Variants in CCDC7 observed in about 807,000 individuals in gnomAD.
CCDC7 encodes coiled-coil domain containing 7.
In CCDC7, 183 loss-of-function variants were observed where a neutral mutation model predicts 196.9. The observed-to-expected ratio is 0.93, with a 90% CI of 0.82 to 1.05. The LOEUF (loss-of-function observed/expected upper bound fraction) is 1.05, where lower values mean the gene tolerates loss of function less well. Among genes scored for constraint, CCDC7 ranks in the 50% least tolerant of loss-of-function variants. CCDC7 has a pLI of 0.00. For synonymous variants in CCDC7, 525 were observed against 484.6 expected, an observed-to-expected ratio of 1.08 and a Z score of -1.10; for missense variants, 1,540 against 1,482.2, an observed-to-expected ratio of 1.04 and a Z score of -0.64.
chr10:32,769,393 G>A (rs1466167436), intron 28 of CCDC7, among the ~76,000 whole-genome samples: 1 of 142,968 alleles, frequency 7.0e-6, no homozygotes, highest in Non-Finnish European at 1.6e-5. Flanking sequence ...ATTTTTTTTT[G>A]GTTAGTCTAG....
chr10:32,740,825 CA>C (rs1352192257), intron 28 of CCDC7, among the ~76,000 whole-genome samples: 6 of 152,064 alleles, frequency 3.9e-5, no homozygotes, highest in Admixed American at 3.9e-4. Flanking sequence ...ACTTCTCTCA[CA>C]TTTATTGTTT....
At chr10:32,634,357 AC>A (rs1412515584) in exon 19 of CCDC7, 2 of 1,112,596 alleles carry the variant, frequency 1.8e-6, no homozygotes, top group East Asian at 3.2e-5. Flanking sequence ...GTATGGAAAG[AC>A]ATGAGGGTAA....
At chr10:32,565,644 A>G in intron 14 of CCDC7, 24 bp downstream of exon 15, 1 of 1,595,124 alleles carries the variant, frequency 6.3e-7, no homozygotes, top group Non-Finnish European at 8.5e-7. Flanking sequence ...TGTTTCTTTA[A>G]CATTGTTAAC....
chr10:32,821,442 C>T (rs1164331654), intron 31 of CCDC7, among the ~76,000 whole-genome samples: 1 of 152,092 alleles, frequency 6.6e-6, no homozygotes, highest in Non-Finnish European at 1.5e-5. Flanking sequence ...TACCATTTGA[C>T]CCAGCCATCC....
chr10:32,651,583 C>T (rs75688940), intron 20 of CCDC7, among the ~76,000 whole-genome samples: 5,903 of 152,222 alleles, frequency 0.039, 124 homozygotes, highest in Middle Eastern at 0.051. Flanking sequence ...GGATTTCGGG[C>T]AGGAGCACTC....
chr10:32,561,826 C>A (rs1296060218), intron 13 of CCDC7, among the ~76,000 whole-genome samples: 1 of 151,988 alleles, frequency 6.6e-6, no homozygotes, highest in African/African-American at 2.4e-5. Flanking sequence ...GAAATAGAGA[C>A]ACAAAAAACC....
intron 41 of CCDC7, among the ~76,000 whole-genome samples, chr10:32,869,243 T>G (rs1235290608): frequency 6.6e-6 from 1 of 152,188 alleles, no homozygotes; most frequent in East Asian, 1.9e-4. Context: ...GTTTCCTGAC[T>G]TTTCAATGAT....
chr10:32,474,827 AAAT>A (rs2038672091), intron 8 of CCDC7, among the ~76,000 whole-genome samples: 1 of 152,204 alleles, frequency 6.6e-6, no homozygotes, highest in South Asian at 2.1e-4. Context: ...GAGAATTTTG[AAAT>A]AATAGTGTAA....
chr10:32,573,101 C>T (rs957904926), intron 16 of CCDC7, among the ~76,000 whole-genome samples: 2 of 152,118 alleles, frequency 1.3e-5, no homozygotes, highest in African/African-American at 4.8e-5. Context: ...TGGTCTCAAA[C>T]TCCTGTCCTC....
chr10:32,515,978 G>C (rs901238361), intron 9 of CCDC7, among the ~76,000 whole-genome samples: 5 of 151,968 alleles, frequency 3.3e-5, no homozygotes, highest in Non-Finnish European at 5.9e-5. Context: ...TCTTAAATAT[G>C]ACATCAGAAG....
intron 5 of CCDC7, among the ~76,000 whole-genome samples, chr10:32,466,864 A>G (rs2036905062): frequency 6.6e-6 from 1 of 152,172 alleles, no homozygotes; most frequent in South Asian, 2.1e-4. Flanking sequence ...TTTCCACAGC[A>G]GGCAACTAAT....
At chr10:32,633,698 G>GTA (rs1564894749) in intron 18 of CCDC7, among the ~76,000 whole-genome samples, 1 of 113,622 alleles carries the variant, frequency 8.8e-6, no homozygotes, top group Non-Finnish European at 1.7e-5. Flanking sequence ...ATATATATAT[G>GTA]TGTGTGTGTG....
intron 20 of CCDC7, among the ~76,000 whole-genome samples, chr10:32,645,908 G>A (rs1036675253): frequency 6.6e-6 from 1 of 151,866 alleles, no homozygotes; most frequent in Non-Finnish European, 1.5e-5. Context: ...TCTTGTTTTA[G>A]TTATTTGAAT....
Position 32,613,538 on chromosome 10 carries a change from A to G in CCDC7, c.1802-20716A>G, listed in dbSNP as rs965089162. On this transcript the variant is annotated intron_variant, in intron 18 of 41. Transcript: ENST00000639629. Reference sequence around the variant, plus strand: ...GATTTTAGATCTTTCCTGCTTTCTCATGTGGGCATTTAGTGCTATAAATTG... The same window carrying G: ...GATTTTAGATCTTTCCTGCTTTCTCGTGTGGGCATTTAGTGCTATAAATTG... 2.6e-5 allele frequency among the ~76,000 whole-genome samples: 4 copies of G among 152,000 alleles called. No homozygotes were observed. The East Asian group carries it at 7.7e-4, about 29-fold the overall frequency.
intron 9 of CCDC7, among the ~76,000 whole-genome samples, chr10:32,504,860 A>G (rs925158289): frequency 6.6e-6 from 1 of 152,234 alleles, no homozygotes; most frequent in African/African-American, 2.4e-5. Context: ...TATTCACTCA[A>G]GGAGAACGTA....
chr10:32,600,620 G>A (rs1159536658), intron 18 of CCDC7, among the ~76,000 whole-genome samples: 3 of 152,088 alleles, frequency 2.0e-5, no homozygotes, highest in African/African-American at 7.2e-5. Context: ...GAGAACCTCT[G>A]CTCGAGACTG....
At chr10:32,668,140 G>A (rs2073227423) in intron 21 of CCDC7, among the ~76,000 whole-genome samples, 1 of 152,110 alleles carries the variant, frequency 6.6e-6, no homozygotes, top group Non-Finnish European at 1.5e-5. Flanking sequence ...AATTGTGAAT[G>A]GGAGTTCACT....
intron 3 of CCDC7, among the ~76,000 whole-genome samples, chr10:32,462,353 A>G (rs1282184647): frequency 6.6e-6 from 1 of 152,176 alleles, no homozygotes; most frequent in East Asian, 1.9e-4. Flanking sequence ...TGAGCCCAGG[A>G]GTTCAACGTT....
intron 41 of CCDC7, among the ~76,000 whole-genome samples, chr10:32,871,604 A>G (rs9418035): frequency 0.92 from 138,742 of 151,344 alleles, 64,792 homozygotes; most frequent in East Asian, 1. Flanking sequence ...ATTTCCTTCA[A>G]TTCTGCTCTG....
Sources: allele counts gnomAD v4.1 joint callset (sites outside exome capture counted in the v4.1 genomes callset), GRCh38; gene constraint gnomAD v4.1.1; transcripts MANE v1.5; gene names NCBI Gene and HGNC (gene_info 2026-07-23, HGNC 2026-07-21).